Variants in ACCSL observed in about 807,000 individuals in gnomAD.
The protein encoded by ACCSL is probable inactive 1-aminocyclopropane-1-carboxylate synthase-like protein 2.
A neutral mutation model predicts 61.7 loss-of-function variants in ACCSL; 55 were observed. The observed-to-expected ratio is 0.89, with a 90% CI of 0.72 to 1.12. The LOEUF is 1.12. Ranked by LOEUF, ACCSL falls within the 50% of genes most tolerant of loss-of-function variation. The pLI, the probability that ACCSL is intolerant of heterozygous loss-of-function variation, is 0.00. For synonymous variants in ACCSL, 258 were observed against 264.3 expected (o/e 0.98, Z 0.23); for missense variants, 632 against 698.0 (o/e 0.91, Z 1.07).
the ACCSL span, among the ~76,000 whole-genome samples, chr11:43,989,241 G>A: frequency 6.6e-6 from 1 of 152,180 alleles, no homozygotes; most frequent in African/African-American, 2.4e-5. Context: ...CTGAGCCTCA[G>A]TTTTCTCACC....
the ACCSL span, among the ~76,000 whole-genome samples, chr11:44,003,266 C>T: frequency 6.6e-6 from 1 of 152,200 alleles, no homozygotes; most frequent in African/African-American, 2.4e-5. Context: ...CTGCCAGATT[C>T]TTCTCTCTGA....
At chr11:43,981,737 C>A in the ACCSL span, among the ~76,000 whole-genome samples, 2 of 152,160 alleles carry the variant, frequency 1.3e-5, no homozygotes, top group African/African-American at 4.8e-5. Flanking sequence ...CTCCTCTGGG[C>A]TGTCTTGGCA....
At chr11:44,056,704 C>T (rs568254791) in intron 11 of ACCSL, among the ~76,000 whole-genome samples, 2 of 152,262 alleles carry the variant, frequency 1.3e-5, no homozygotes, top group South Asian at 2.1e-4. Context: ...TGCTGGCAAA[C>T]GCCTGTAATC....
the ACCSL span, among the ~76,000 whole-genome samples, chr11:44,035,936 T>TAAAAA: frequency 1.4e-4 from 11 of 79,002 alleles, no homozygotes; most frequent in African/African-American, 2.0e-4. Flanking sequence ...AGACTCTGTG[T>TAAAAA]AAAAAAAAAA....
the ACCSL span, among the ~76,000 whole-genome samples, chr11:44,014,235 A>G: frequency 6.6e-6 from 1 of 152,184 alleles, no homozygotes; most frequent in African/African-American, 2.4e-5. Flanking sequence ...AGAGTGGCTG[A>G]GCTGCTGATC....
At chr11:43,961,403 C>A in the ACCSL span, among the ~76,000 whole-genome samples, 1 of 152,108 alleles carries the variant, frequency 6.6e-6, no homozygotes, top group Non-Finnish European at 1.5e-5. Flanking sequence ...ATTTACCAAC[C>A]CTTCTTATCG....
At chr11:43,953,520 CAAA>C in the ACCSL span, among the ~76,000 whole-genome samples, 10 of 75,452 alleles carry the variant, frequency 1.3e-4, no homozygotes, top group Non-Finnish European at 1.9e-4. Flanking sequence ...GACTCTGACT[CAAA>C]AAAAAAAAAA....
chr11:43,956,352 A>G, the ACCSL span, among the ~76,000 whole-genome samples: 8 of 152,320 alleles, frequency 5.3e-5, no homozygotes, highest in Middle Eastern at 3.4e-3. Context: ...GCTTTAGGCT[A>G]AACTTGATTA....
chr11:43,972,317 C>A, the ACCSL span, among the ~76,000 whole-genome samples: 1 of 152,164 alleles, frequency 6.6e-6, no homozygotes, highest in Non-Finnish European at 1.5e-5. Context: ...ACTCATGTCA[C>A]CCACTGCCCC....
At chr11:44,026,897 T>A in the ACCSL span, among the ~76,000 whole-genome samples, 1 of 152,174 alleles carries the variant, frequency 6.6e-6, no homozygotes, top group East Asian at 1.9e-4. Flanking sequence ...GCCTGGCTAA[T>A]TTTGTATTTT....
chr11:44,050,840 CT>C (rs66464203), intron 3 of ACCSL, among the ~76,000 whole-genome samples: 23,594 of 126,606 alleles, frequency 0.19, 1,493 homozygotes, highest in East Asian at 0.3. Context: ...GGCCTGAGTT[CT>C]TTTTTTTTTT....
At chr11:44,043,794 G>T (rs1952586292), upstream of ACCSL, among the ~76,000 whole-genome samples, 1 of 152,030 alleles carries the variant, frequency 6.6e-6, no homozygotes, top group African/African-American at 2.4e-5. Flanking sequence ...TATCTTTAGA[G>T]GTTTTAAATT....
chr11:43,967,167 C>CTTTTTTTTTTTTTTTTT, the ACCSL span, among the ~76,000 whole-genome samples: 21 of 62,704 alleles, frequency 3.3e-4, 2 homozygotes, highest in African/African-American at 4.1e-4. Context: ...TCTTCTTCTT[C>CTTTTTTTTTTTTTTTTT]TTTTTTTTTT....
chr11:43,943,437 G>A, the ACCSL span: 7 of 1,437,918 alleles, frequency 4.9e-6, no homozygotes, highest in East Asian at 3.4e-5. The surrounding 1 kb of genome is among the most constrained non-coding windows in gnomAD (Gnocchi z 4.8). Context: ...CGGTCGGTGC[G>A]CCCCTCGCCG....
chr11:43,953,571 C>G, the ACCSL span, among the ~76,000 whole-genome samples: 2 of 149,926 alleles, frequency 1.3e-5, no homozygotes, highest in Non-Finnish European at 3.0e-5. Context: ...CAAAACCTAC[C>G]AAAACCAAGA....
the ACCSL span, among the ~76,000 whole-genome samples, chr11:43,935,969 C>A: frequency 6.6e-6 from 1 of 152,206 alleles, no homozygotes; most frequent in Non-Finnish European, 1.5e-5. Context: ...TGAGCCCCTG[C>A]AAACCCAGCA....
chr11:44,059,977 T>C lies in ACCSL; in HGVS notation c.*57T>C. The C allele has an allele frequency of 1.3e-6, 2 of 1,515,826 alleles. No individual in the cohort carries two copies. Among genetic ancestry groups the C allele is most frequent in the Non-Finnish European group, 1.8e-6 (2 of 1,094,598 alleles). The allele number at this position is 1,515,826 out of a possible 1,614,324, so 93.9% of individuals were successfully genotyped here. On this transcript the variant is annotated 3_prime_UTR_variant, in exon 14 of 14. Transcript: ENST00000378832. ...CATCACTTGCTCAGGGACCCCCTAA[T>C]GTCAGCCTCTGGCCCAGAAGGCCAG...
chr11:43,922,335 G>T, the ACCSL span: 1 of 152,310 alleles, frequency 6.6e-6, no homozygotes, highest in East Asian at 1.9e-4. Flanking sequence ...TAGTTTCTCG[G>T]CCTGTTTGGT....
chr11:43,943,322 A>G, the ACCSL span: 1 of 1,431,692 alleles, frequency 7.0e-7, no homozygotes, highest in East Asian at 3.0e-5. The surrounding 1 kb of genome is among the most constrained non-coding windows in gnomAD (Gnocchi z 4.8). Flanking sequence ...CCGCGCGGGG[A>G]CCGGCGTGTG....
Sources: gnomAD v4.1 joint callset for allele counts (sites outside exome capture counted in the v4.1 genomes callset) on GRCh38, gnomAD v4.1.1 for gene constraint, Gnocchi (gnomAD v3.1) non-coding constraint, MANE v1.5 for transcripts, NCBI Gene and HGNC (gene_info 2026-07-23, HGNC 2026-07-21) for gene names.